ALDH1L2: variants seen among roughly 807,000 people sequenced by gnomAD.
The protein encoded by ALDH1L2 is aldehyde dehydrogenase 1 family member L2, also known as mitochondrial 10-formyltetrahydrofolate dehydrogenase.
Under a neutral mutation model 111.0 loss-of-function variants are expected in ALDH1L2, and 91 were observed. The ratio of observed to expected loss-of-function variants is 0.82; its 90% CI spans 0.69 to 0.98. ALDH1L2 has a LOEUF of 0.98. Ranked by LOEUF, ALDH1L2 falls within the 50% of genes least tolerant of loss-of-function variation. The pLI, the probability that ALDH1L2 is intolerant of heterozygous loss-of-function variation, is 0.00. For missense variants in ALDH1L2, 995 were observed against 1,126.8 expected (o/e 0.88, Z 1.67); for synonymous variants, 374 against 392.6 (o/e 0.95, Z 0.56).
intron 22 of ALDH1L2, among the ~76,000 whole-genome samples, chr12:105,025,618 A>G (rs2136043027): frequency 6.6e-6 from 1 of 152,340 alleles, no homozygotes; most frequent in Non-Finnish European, 1.5e-5. Flanking sequence ...CTGCAAATAC[A>G]TGGCCAAAGT....
Position 105,026,541 on chromosome 12 carries a change from A to G in ALDH1L2, c.2716+4T>C, listed in dbSNP as rs1327513892. ...GAAGGTGAAGCAGAAAAGTAAAGCC[A>G]TACCTAAGTCTTTTCCAAAGCCAGA... is the stretch of plus-strand genomic sequence containing the variant. On this transcript the variant is annotated splice_donor_region_variant and intron_variant, in intron 22 of 22. Transcript: ENST00000258494. 25 of 1,614,028 alleles carry G rather than the reference A, an allele frequency of 1.5e-5. No homozygotes were observed. Among genetic ancestry groups the G allele is most frequent in the African/African-American group, 4.0e-5 (3 of 75,042 alleles).
In ALDH1L2 at chr12:105,070,514, G is replaced by T; in HGVS notation, c.428+56C>A. ...GAGCCCAGGAGTTTGAACCCAGACT[G>T]GGCAACATAGCAAGACCCCATCTCA... On this transcript the variant is annotated intron_variant, in intron 3 of 22. Transcript: ENST00000258494. 2.9e-6 allele frequency: 4 copies of T among 1,403,392 alleles called. No homozygotes were observed. In the South Asian group the frequency reaches 4.0e-5, roughly 14 times the overall value. The allele number at this position is 1,403,392 out of a possible 1,614,324, so 86.9% of individuals were successfully genotyped here.
intron 1 of ALDH1L2, among the ~76,000 whole-genome samples, chr12:105,081,426 G>A (rs757441813): frequency 6.6e-6 from 1 of 152,198 alleles, no homozygotes; most frequent in Non-Finnish European, 1.5e-5. Context: ...TGGTTCCAAA[G>A]AGCAAGGAAG....
rs1874247010 is a variant in ALDH1L2, at chr12:105,023,283, G to C, written c.*1141C>G. The C allele has an allele frequency of 6.6e-6, 1 of 152,192 alleles. No homozygotes were observed. Among genetic ancestry groups the C allele is most frequent in the Admixed American group, 6.5e-5 (1 of 15,276 alleles). The allele number at this position is 152,192 out of a possible 1,614,324, so 9.4% of individuals were successfully genotyped here. A position where few individuals can be genotyped will look rare whatever the true frequency, so the allele number is the denominator to read the frequency against. On this transcript the variant is annotated 3_prime_UTR_variant, in exon 23 of 23. Coordinates refer to ENST00000258494, the MANE Select transcript of ALDH1L2 (RefSeq NM_001034173.4). The stretch of plus-strand genomic sequence containing the variant: ...GAACCAATAGGTAGAAAAATGGAAA[G>C]TAAGATGTCCCATGAAGGACGAGCG...
rs765902066 is a variant in ALDH1L2 at position 105,074,011 on chromosome 12, A to G, written c.49-6T>C. 2 of 1,613,986 alleles carry G rather than the reference A, an allele frequency of 1.2e-6. No homozygotes were observed. The highest frequency in any genetic ancestry group is 1.7e-6 in the Non-Finnish European group (2 of 1,180,008). On this transcript the variant is annotated splice_polypyrimidine_tract_variant and splice_region_variant and intron_variant, in intron 1 of 22. Coordinates refer to ENST00000258494, the MANE Select transcript of ALDH1L2 (RefSeq NM_001034173.4). The stretch of plus-strand genomic sequence containing the variant: ...AGCTTGTTTTTGAAATAAACCTGTG[A>G]AACAATTCAATGACGAAGACATAAG...
At position 105,034,391 on chromosome 12, in the gene ALDH1L2, C is replaced by T; in HGVS notation, c.2153G>A (p.Gly718Glu). 6.2e-7 allele frequency: 1 copy of T among 1,610,426 alleles called. No homozygotes were observed. Among genetic ancestry groups the T allele is most frequent in the South Asian group, 1.1e-5 (1 of 89,954 alleles). The change falls in exon 19 of 23, where the codon GGA (glycine) becomes GAA (glutamate). Residue 718 changes from glycine (G) to glutamate (E), a missense_variant. By Grantham distance (98) the Gly-to-Glu change is moderately conservative. Coordinates refer to ENST00000258494, the MANE Select transcript of ALDH1L2 (RefSeq NM_001034173.4). The part of the protein sequence containing the change: ...ELDKAVRMGM[G>E]AVFFNKGENC... ...CTCTCCTTTGTTGAAAAATACTGCT[C>T]CCATGCCCTTCAGTGGGAGAAGAGA...
chr12:105,046,169 CTCTCTCTCTCTCTCTCTCTCTCTCTA>C (rs1270987901), intron 15 of ALDH1L2, among the ~76,000 whole-genome samples: 25 of 27,834 alleles, frequency 9.0e-4, no homozygotes, highest in South Asian at 5.0e-3. Context: ...CTCTCTCTCT[CTCTCTCTCTCTCTCTCTCTCTCTCTA>C]TATATATATA....
chr12:105,065,909 A>G (rs1309133015), intron 5 of ALDH1L2, among the ~76,000 whole-genome samples: 2 of 152,208 alleles, frequency 1.3e-5, no homozygotes, highest in African/African-American at 2.4e-5. Flanking sequence ...GGCCAAATCT[A>G]TACCTACTGC....
At chr12:105,052,681 T>C (rs1876361135) in intron 11 of ALDH1L2, 131 bp downstream of exon 11, 4 of 1,099,934 alleles carry the variant, frequency 3.6e-6, no homozygotes, top group Non-Finnish European at 5.2e-6. Context: ...AAGCATGAAG[T>C]ACATTTGTGT....
Position 105,030,312 on chromosome 12 carries a change from T to A in ALDH1L2, c.2516+12A>T, listed in dbSNP as rs1193476955. On this transcript the variant is annotated intron_variant, in intron 21 of 22. Coordinates refer to ENST00000258494, the MANE Select transcript of ALDH1L2 (RefSeq NM_001034173.4). Reference sequence around the variant, plus strand: ...GTCAAAACCTAAGTTACATTGTGTCTGAAGAACCTACCCATTTTGGAATTT... The same window carrying A: ...GTCAAAACCTAAGTTACATTGTGTCAGAAGAACCTACCCATTTTGGAATTT... The A allele has an allele frequency of 1.9e-6, 3 of 1,605,222 alleles. No individual in the cohort carries two copies. Among genetic ancestry groups the A allele is most frequent in the Non-Finnish European group, 2.6e-6 (3 of 1,175,446 alleles).
chr12:105,025,901 C>T (rs931976551), intron 22 of ALDH1L2, among the ~76,000 whole-genome samples: 2 of 152,144 alleles, frequency 1.3e-5, no homozygotes, highest in Non-Finnish European at 2.9e-5. Context: ...ATAATAGTAC[C>T]TATTCCTCTG....
chr12:105,046,844 G>A, intron 14 of ALDH1L2, 29 bp from the exon 15 acceptor site: 2 of 1,613,142 alleles, frequency 1.2e-6, no homozygotes, highest in Non-Finnish European at 1.7e-6. Flanking sequence ...GACATGCTTA[G>A]TTGTTTCAAA....
rs1181004879 is a variant in ALDH1L2, at chr12:105,020,397, A to G, written c.*4027T>C. 2 of 152,226 alleles carry G rather than the reference A, an allele frequency of 1.3e-5. No homozygotes were observed. Among genetic ancestry groups the G allele is most frequent in the Non-Finnish European group, 2.9e-5 (2 of 68,042 alleles). The allele number at this position is 152,226 out of a possible 1,614,324, so 9.4% of individuals were successfully genotyped here. A position where few individuals can be genotyped will look rare whatever the true frequency, so the allele number is the denominator to read the frequency against. On this transcript the variant is annotated 3_prime_UTR_variant, in exon 23 of 23. Coordinates refer to ENST00000258494, the MANE Select transcript of ALDH1L2 (RefSeq NM_001034173.4). ...ATCTCGACTTAGTTAAAACCACCAG[A>G]TGCATTGCTTGAAAACCTGTTCTGC... is the stretch of plus-strand genomic sequence containing the variant.
rs775962408 is a variant in ALDH1L2, at chr12:105,052,909, AT to A, written c.1309del (p.Ile437SerfsTer3). On this transcript the variant is annotated frameshift_variant, in exon 11 of 23. Coordinates refer to ENST00000258494, the MANE Select transcript of ALDH1L2 (RefSeq NM_001034173.4). LOFTEE classifies it high-confidence loss of function. ...ACACTGGTATGGCATTTTTACCATGATTTCATTGACCTCCTTTGAAATCTGA... is the reference window on the plus strand; with the variant it reads ...ACACTGGTATGGCATTTTTACCATGATTCATTGACCTCCTTTGAAATCTGA... ...VDYISKEVNE[I>X]MVKMPYQCFI... The A allele has an allele frequency of 1.2e-6, 2 of 1,613,822 alleles. No homozygotes were observed. Among genetic ancestry groups the A allele is most frequent in the South Asian group, 2.2e-5 (2 of 91,078 alleles).
At chr12:105,046,870 T>G (rs751545376) in intron 14 of ALDH1L2, 29 bp downstream of exon 14, 35 of 1,613,506 alleles carry the variant, frequency 2.2e-5, no homozygotes, top group Non-Finnish European at 3.0e-5. Flanking sequence ...CAACTCATGA[T>G]TCACTCAGAG....
At chr12:105,037,770 C>CT (rs71069784) in intron 18 of ALDH1L2, among the ~76,000 whole-genome samples, 54,963 of 143,650 alleles carry the variant, frequency 0.38, 10,489 homozygotes, top group South Asian at 0.53. Context: ...ATTTTTTTTT[C>CT]TTTTTTTTTT....
rs998533646 is a variant in ALDH1L2, at chr12:105,060,896, G to A, written c.1139+85C>T. 8.1e-5 allele frequency: 87 copies of A among 1,078,556 alleles called. No homozygotes were observed. In the Middle Eastern group the frequency reaches 1.1e-3, roughly 14 times the overall value. The allele number at this position is 1,078,556 out of a possible 1,614,324, so 66.8% of individuals were successfully genotyped here. A position where few individuals can be genotyped will look rare whatever the true frequency, so the allele number is the denominator to read the frequency against. ...TAAGGTAATCACATCCAGAACAAAG[G>A]ATGTGTGTGGATTTCACTGTCAAAG... On this transcript the variant is annotated intron_variant, in intron 9 of 22. Transcript: ENST00000258494.
At chr12:105,054,051 TA>T (rs1437099625) in intron 10 of ALDH1L2, among the ~76,000 whole-genome samples, 2 of 151,568 alleles carry the variant, frequency 1.3e-5, no homozygotes, top group Non-Finnish European at 2.9e-5. Flanking sequence ...ATAAATAGGG[TA>T]AAAATAATGG....
chr12:105,058,327 G>T, intron 9 of ALDH1L2, 107 bp from the exon 10 acceptor site: 3 of 1,134,568 alleles, frequency 2.6e-6, no homozygotes, highest in Non-Finnish European at 3.6e-6. Flanking sequence ...TACATCACAT[G>T]CCTATTTATA....
Sources: allele counts gnomAD v4.1 joint callset (sites outside exome capture counted in the v4.1 genomes callset), GRCh38; gene constraint gnomAD v4.1.1; transcripts MANE v1.5; gene names NCBI Gene and HGNC (gene_info 2026-07-23, HGNC 2026-07-21).